LRP1B: variants seen among roughly 807,000 people sequenced by gnomAD.
LRP1B encodes the protein low-density lipoprotein receptor-related protein 1B.
In LRP1B, 217 loss-of-function variants were observed where a neutral mutation model predicts 556.6. The ratio of observed to expected loss-of-function variants is 0.39; its 90% CI spans 0.35 to 0.44. LRP1B has a LOEUF of 0.44. Among genes scored for constraint, LRP1B ranks in the 20% least tolerant of loss-of-function variants. LRP1B has a pLI of 1.00. For synonymous variants in LRP1B, 2,047 were observed against 1,865.8 expected, an observed-to-expected ratio of 1.10 and a Z score of -2.50; for missense variants, 5,053 against 5,620.8, an observed-to-expected ratio of 0.90 and a Z score of 3.23.
intron 25 of LRP1B, among the ~76,000 whole-genome samples, chr2:140,879,950 TA>T (rs34768520): frequency 0.15 from 20,389 of 138,350 alleles, 1,500 homozygotes; most frequent in Admixed American, 0.18. Flanking sequence ...TGATCCTGGT[TA>T]AAAAAAAAAA....
chr2:142,095,916 C>T (rs12994651), intron 1 of LRP1B, among the ~76,000 whole-genome samples: 12,369 of 151,480 alleles, frequency 0.082, 547 homozygotes, highest in Non-Finnish European at 0.092. Flanking sequence ...GCTCAGGATC[C>T]GATATGAAAT....
At chr2:140,358,220 G>C (rs1267324550) in intron 73 of LRP1B, 104 bp from the exon 74 acceptor site, 1 of 1,102,874 alleles carries the variant, frequency 9.1e-7, no homozygotes, top group East Asian at 2.4e-5. Flanking sequence ...AAAAACATGG[G>C]TTTACAATCC....
At chr2:141,180,080 G>A (rs1169625111) in intron 7 of LRP1B, among the ~76,000 whole-genome samples, 4 of 151,598 alleles carry the variant, frequency 2.6e-5, no homozygotes, top group Non-Finnish European at 5.9e-5. Flanking sequence ...AACATTTTGT[G>A]CCTGATCCAT....
chr2:141,257,511 G>A (rs1218894218), intron 3 of LRP1B, among the ~76,000 whole-genome samples: 1 of 152,146 alleles, frequency 6.6e-6, no homozygotes, highest in Non-Finnish European at 1.5e-5. Context: ...CTGAAAAGAG[G>A]GGGTTAGTGA....
chr2:141,190,096 A>G (rs1681443431), intron 6 of LRP1B, among the ~76,000 whole-genome samples: 1 of 151,988 alleles, frequency 6.6e-6, no homozygotes, highest in Non-Finnish European at 1.5e-5. Context: ...GAGAACCTGC[A>G]TATCAAGACA....
At chr2:140,808,731 A>G (rs1037197276) in intron 32 of LRP1B, among the ~76,000 whole-genome samples, 2 of 152,216 alleles carry the variant, frequency 1.3e-5, no homozygotes, top group Non-Finnish European at 1.5e-5. Flanking sequence ...ATGAATGGCA[A>G]TAGATATTTA....
At chr2:141,143,999 G>A (rs1701720950) in intron 7 of LRP1B, among the ~76,000 whole-genome samples, 1 of 152,076 alleles carries the variant, frequency 6.6e-6, no homozygotes, top group African/African-American at 2.4e-5. Context: ...AGCATTCCTA[G>A]TGAGTGTTTG....
intron 1 of LRP1B, among the ~76,000 whole-genome samples, chr2:141,994,144 C>T (rs1702421509): frequency 6.6e-6 from 1 of 152,120 alleles, no homozygotes; most frequent in Admixed American, 6.6e-5. Flanking sequence ...TTGAATGTGC[C>T]TGTTCAGAGA....
chr2:141,595,902 A>C (rs1687496706), intron 2 of LRP1B, among the ~76,000 whole-genome samples: 1 of 152,086 alleles, frequency 6.6e-6, no homozygotes, highest in South Asian at 2.1e-4. Context: ...ATCTGCATCC[A>C]TTTAAAAGAT....
At chr2:140,656,313 A>G (rs1190286657) in intron 41 of LRP1B, among the ~76,000 whole-genome samples, 1 of 152,194 alleles carries the variant, frequency 6.6e-6, no homozygotes, top group Non-Finnish European at 1.5e-5. Flanking sequence ...TAATTCTAAC[A>G]AAATGGTGAT....
rs116707227 is a variant in LRP1B, at chr2:140,384,308, A to C, written c.10531+1585T>G. Among the ~76,000 whole-genome samples, 524 of 152,340 alleles carry C rather than the reference A, an allele frequency of 3.4e-3. 4 individuals are homozygous for C. The highest frequency in any genetic ancestry group is 0.012 in the African/African-American group (507 of 41,588). ...TTGTGCACTTAAGTTCTGTTTCATA[A>C]ATAAGCAGAAAGTATATGCATAATT... is the stretch of plus-strand genomic sequence containing the variant. On this transcript the variant is annotated intron_variant, in intron 67 of 90. Transcript: ENST00000389484.
chr2:141,958,549 T>A (rs1435610), intron 1 of LRP1B, among the ~76,000 whole-genome samples: 150,680 of 151,998 alleles, frequency 0.99, 74,693 homozygotes, highest in South Asian at 1. Flanking sequence ...TATAATTTTT[T>A]AAAAAATCTG....
intron 1 of LRP1B, among the ~76,000 whole-genome samples, chr2:141,919,283 A>T (rs907259932): frequency 2.0e-5 from 3 of 152,038 alleles, no homozygotes; most frequent in African/African-American, 7.2e-5. Context: ...CAAATGCTAT[A>T]TTTTCACACA....
intron 41 of LRP1B, among the ~76,000 whole-genome samples, chr2:140,619,030 A>T (rs1427456715): frequency 6.6e-6 from 1 of 151,894 alleles, no homozygotes; most frequent in Non-Finnish European, 1.5e-5. Flanking sequence ...CGTGACAAAC[A>T]TTTATTGATA....
At chr2:141,722,911 G>A (rs1692887749) in intron 2 of LRP1B, among the ~76,000 whole-genome samples, 1 of 152,128 alleles carries the variant, frequency 6.6e-6, no homozygotes, top group Non-Finnish European at 1.5e-5. Context: ...TTTAGTAGCT[G>A]TAGCCATGAT....
At chr2:141,798,941 C>T (rs559344783) in intron 2 of LRP1B, among the ~76,000 whole-genome samples, 81 of 151,790 alleles carry the variant, frequency 5.3e-4, no homozygotes, top group African/African-American at 2.0e-3. Context: ...GAGACTAGGA[C>T]ACAGATACAC....
At chr2:141,002,300 T>C (rs931577390) in intron 15 of LRP1B, among the ~76,000 whole-genome samples, 1 of 152,018 alleles carries the variant, frequency 6.6e-6, no homozygotes, top group Non-Finnish European at 1.5e-5. Flanking sequence ...ATAGAATAGG[T>C]ACAAATTTGT....
chr2:140,302,287 C>T (rs1180571707), intron 83 of LRP1B, among the ~76,000 whole-genome samples: 3 of 152,154 alleles, frequency 2.0e-5, no homozygotes, highest in African/African-American at 4.8e-5. Context: ...TCTTCCTAAA[C>T]TTCAGACCTT....
At chr2:140,998,441 T>C (rs1040809321) in intron 15 of LRP1B, among the ~76,000 whole-genome samples, 2 of 152,076 alleles carry the variant, frequency 1.3e-5, no homozygotes, top group East Asian at 1.9e-4. Context: ...TGTGTTTTTT[T>C]CCCACAAACA....
Sources: allele counts gnomAD v4.1 joint callset (sites outside exome capture counted in the v4.1 genomes callset), GRCh38; gene constraint gnomAD v4.1.1; transcripts MANE v1.5; gene names NCBI Gene and HGNC (gene_info 2026-07-23, HGNC 2026-07-21).